Variants in ORC2 observed in about 807,000 individuals in gnomAD.
ORC2 encodes the protein origin recognition complex subunit 2.
ORC2 carries 37 observed loss-of-function variants against 77.7 expected under a neutral mutation model. The observed-to-expected ratio is 0.48, with a 90% CI of 0.37 to 0.63. The LOEUF is 0.63. Among genes scored for constraint, ORC2 ranks in the 20% least tolerant of loss-of-function variants. The pLI is 0.00. For synonymous variants in ORC2, 201 were observed against 229.5 expected (o/e 0.88, Z 1.12); for missense variants, 557 against 661.9 (o/e 0.84, Z 1.74).
In ORC2 at chr2:200,929,684, C is replaced by A. The variant is rs2040904412; in HGVS notation, c.917+1655G>T. ...TGGTGGCACACATCTATGGACCCAG[C>A]TATTTGGGAAGCTGAGGTGGGAGGA... On this transcript the variant is annotated intron_variant, in intron 11 of 17. Coordinates refer to ENST00000234296, the MANE Select transcript of ORC2 (RefSeq NM_006190.5). Among the ~76,000 whole-genome samples, 5 of 151,968 alleles carry A rather than the reference C, an allele frequency of 3.3e-5. No individual in the cohort carries two copies. In the South Asian group the frequency reaches 1.0e-3, roughly 32 times the overall value.
intron 13 of ORC2, among the ~76,000 whole-genome samples, chr2:200,922,795 G>A (rs961670370): frequency 6.6e-6 from 1 of 152,106 alleles, no homozygotes; most frequent in Non-Finnish European, 1.5e-5. Flanking sequence ...ATGAGCATAC[G>A]AACAATACTG....
intron 15 of ORC2, among the ~76,000 whole-genome samples, chr2:200,915,481 C>T (rs1278979406): frequency 6.6e-6 from 1 of 152,040 alleles, no homozygotes; most frequent in African/African-American, 2.4e-5. Flanking sequence ...GAAAAAATAA[C>T]TCAGCACTAA....
At chr2:200,942,379 C>G (rs1361722762) in intron 6 of ORC2, among the ~76,000 whole-genome samples, 2 of 152,082 alleles carry the variant, frequency 1.3e-5, no homozygotes. Flanking sequence ...ATAGTATTTC[C>G]CAAAGCCAAA....
At chr2:200,921,396 C>T (rs796377918) in intron 13 of ORC2, 35 of 234,198 alleles carry the variant, frequency 1.5e-4, no homozygotes, top group African/African-American at 7.4e-4. Flanking sequence ...CTCAACTTGG[C>T]CTCCCAAAGT....
intron 5 of ORC2, among the ~76,000 whole-genome samples, chr2:200,948,970 G>A (rs1046773841): frequency 6.6e-6 from 1 of 151,740 alleles, no homozygotes; most frequent in Non-Finnish European, 1.5e-5. Context: ...CGGGCATGGT[G>A]ACTCATGCCT....
In ORC2 at chr2:200,913,987, A is replaced by G. The variant is rs376402479; in HGVS notation, c.1472T>C (p.Ile491Thr). The change falls in exon 16 of 18, where the codon ATT becomes ACT. Residue 491 changes from isoleucine to threonine, a missense_variant. Coordinates refer to ENST00000234296, the MANE Select transcript of ORC2 (RefSeq NM_006190.5). ...CTGGTATTTTATTAGTAGCCTGAAA[A>G]TTCCCCTAAAAAAAAAAAAAAACAG... ...LRSLTPNARG[I>T]FRLLIKYQLD... 4 of 1,529,142 alleles carry G rather than the reference A, an allele frequency of 2.6e-6. No homozygotes were observed. The highest frequency in any genetic ancestry group is 3.6e-6 in the Non-Finnish European group (4 of 1,123,966). 94.7% of individuals were successfully genotyped at this position (1,529,142 alleles called of 1,614,324 possible).
chr2:200,923,537 A>C (rs1316739346), intron 13 of ORC2, among the ~76,000 whole-genome samples: 1 of 152,100 alleles, frequency 6.6e-6, no homozygotes, highest in African/African-American at 2.4e-5. Flanking sequence ...GGTGTGAGCC[A>C]CCGCATCCGG....
chr2:200,958,302 C>T (rs2041510834), intron 2 of ORC2, among the ~76,000 whole-genome samples, 169 bp from the exon 3 acceptor site: 2 of 152,114 alleles, frequency 1.3e-5, no homozygotes, highest in South Asian at 4.1e-4. Context: ...CTGTAGGTAA[C>T]TCAATTCTTT....
At position 200,933,345 on chromosome 2, in the gene ORC2, T is replaced by G. The variant is rs144228189; in HGVS notation, c.807+531A>C. Among the ~76,000 whole-genome samples, 119 of 152,056 alleles carry G rather than the reference T, an allele frequency of 7.8e-4. No individual in the cohort carries two copies. The East Asian group carries it at 0.02, about 25-fold the overall frequency. On this transcript the variant is annotated intron_variant, in intron 10 of 17. Transcript: ENST00000234296. ...ATCCTCAAGCAGAATATCCTCTACT[T>G]TGTGCAAAGTTTTTAACTGAGAGAA...
At chr2:200,945,185 T>C (rs2041229864) in intron 5 of ORC2, among the ~76,000 whole-genome samples, 2 of 152,226 alleles carry the variant, frequency 1.3e-5, no homozygotes, top group African/African-American at 4.8e-5. Context: ...CAGTTTTTAT[T>C]CTTTTCTTGC....
intron 5 of ORC2, among the ~76,000 whole-genome samples, chr2:200,944,069 TA>T (rs2041205056): frequency 6.6e-6 from 1 of 152,218 alleles, no homozygotes; most frequent in Non-Finnish European, 1.5e-5. Context: ...TTTGGTGTTA[TA>T]CTGAAACATA....
Position 200,921,003 on chromosome 2 carries a change from A to G in ORC2, c.1284T>C (p.Asn428=). The part of the protein sequence containing the change: ...IYLIASIDHL[N]APLMWDHAKQ... The stretch of plus-strand genomic sequence containing the variant: ...TAACAATTAACTTACTGAGAGGAGC[A>G]TTGAGGTGGTCAATGGATGCTATAA... The change falls in exon 14 of 18, where the codon AAT becomes AAC. Residue 428 remains asparagine (N), a synonymous_variant. Transcript: ENST00000234296. 1 of 1,588,250 alleles carries G rather than the reference A, an allele frequency of 6.3e-7. No homozygotes were observed. Among genetic ancestry groups the G allele is most frequent in the Non-Finnish European group, 8.6e-7 (1 of 1,166,588 alleles).
chr2:200,935,054 T>C (rs1347811035), intron 9 of ORC2, among the ~76,000 whole-genome samples: 1 of 152,228 alleles, frequency 6.6e-6, no homozygotes, highest in Non-Finnish European at 1.5e-5. Context: ...AATTGTCCAA[T>C]CAATATTTAC....
At chr2:200,946,586 C>T (rs985532168) in intron 5 of ORC2, among the ~76,000 whole-genome samples, 12 of 152,116 alleles carry the variant, frequency 7.9e-5, no homozygotes, top group African/African-American at 2.9e-4. Context: ...GATATGATGA[C>T]AGAAATGCGC....
chr2:200,925,882 G>T lies in ORC2; in HGVS notation c.1101C>A (p.Arg367=). 1 of 1,601,734 alleles carries T rather than the reference G, an allele frequency of 6.2e-7. No homozygotes were observed. Among genetic ancestry groups the T allele is most frequent in the Non-Finnish European group, 8.5e-7 (1 of 1,170,670 alleles). The change falls in exon 13 of 18, where the codon CGC becomes CGA. Residue 367 remains arginine (R), a synonymous_variant. Transcript: ENST00000234296. ...TCCAGTCTAGCTGATCCAGTATACT[G>T]CGGAAAGTACCCATATGATCGAGGA... ...EEVLDHMGTF[R]SILDQLDWIV...
chr2:200,914,130 A>G (rs933003423), intron 15 of ORC2, 138 bp from the exon 16 acceptor site: 1 of 564,602 alleles, frequency 1.8e-6, no homozygotes, highest in Non-Finnish European at 3.1e-6. Flanking sequence ...GGAATATCAT[A>G]TCCTTGCCTA....
chr2:200,926,844 C>T lies in ORC2; in HGVS notation c.974G>A (p.Arg325Lys), dbSNP rs770028712. The change falls in exon 12 of 18, where the codon AGG (arginine) becomes AAG (lysine). Residue 325 changes from arginine (R) to lysine (K), a missense_variant. Coordinates refer to ENST00000234296, the MANE Select transcript of ORC2 (RefSeq NM_006190.5). ...ATCTTGCAGCATAGTGGTTCGAAAC[C>T]TTTCTAGTAAATCTCTCTTAGAACC... ...GLGSKRDLLE[R>K]FRTTMLQDSI... 4 of 1,613,608 alleles carry T rather than the reference C, an allele frequency of 2.5e-6. No homozygotes were observed. In the Admixed American group the frequency reaches 6.7e-5, roughly 27 times the overall value.
chr2:200,957,725 AAC>A (rs1559025866), intron 3 of ORC2, among the ~76,000 whole-genome samples, 181 bp from the exon 4 acceptor site: 1 of 151,926 alleles, frequency 6.6e-6, no homozygotes, highest in African/African-American at 2.4e-5. Flanking sequence ...TAAAAAAAAA[AAC>A]ACACACAATC....
In ORC2 at chr2:200,957,387, AC is replaced by A; in HGVS notation, c.238+13del. The A allele has an allele frequency of 6.5e-7, 1 of 1,546,566 alleles. No individual in the cohort carries two copies. The highest frequency in any genetic ancestry group is 8.7e-7 in the Non-Finnish European group (1 of 1,147,730). On this transcript the variant is annotated intron_variant, in intron 4 of 17. Transcript: ENST00000234296. Reference sequence around the variant, plus strand: ...ACTAGCAGAAACGAGTGTATATTTCACCCCCTCAAATACCTTGAACATCTCT... The same window carrying A: ...ACTAGCAGAAACGAGTGTATATTTCACCCCTCAAATACCTTGAACATCTCT...
Sources: allele counts gnomAD v4.1 joint callset (sites outside exome capture counted in the v4.1 genomes callset), GRCh38; gene constraint gnomAD v4.1.1; transcripts MANE v1.5; gene names NCBI Gene and HGNC (gene_info 2026-07-23, HGNC 2026-07-21).